ARFIP1: variants seen among roughly 807,000 people sequenced by gnomAD.
ARFIP1 encodes the protein ARF interacting protein 1.
A neutral mutation model predicts 42.5 loss-of-function variants in ARFIP1; 24 were observed. The ratio of observed to expected loss-of-function variants is 0.57; its 90% CI spans 0.41 to 0.80. The LOEUF (loss-of-function observed/expected upper bound fraction) is 0.80, where lower values mean the gene tolerates loss of function less well. Among genes scored for constraint, ARFIP1 ranks in the 30% least tolerant of loss-of-function variants. The probability of loss-of-function intolerance (pLI) is 0.00; values close to 1 mark genes in which losing one functional copy is unlikely to be tolerated. For missense variants in ARFIP1, 354 were observed against 434.0 expected, an observed-to-expected ratio of 0.82 and a Z score of 1.64; for synonymous variants, 141 against 153.7, an observed-to-expected ratio of 0.92 and a Z score of 0.61.
chr4:152,869,463 T>C (rs1406307585), intron 3 of ARFIP1, among the ~76,000 whole-genome samples: 3 of 151,856 alleles, frequency 2.0e-5, no homozygotes, highest in Admixed American at 6.6e-5. Context: ...TTTTTTTTTT[T>C]AATTGAGACA....
chr4:152,824,976 CATACACACACACACACATACAT>C (rs1043147544), intron 1 of ARFIP1, among the ~76,000 whole-genome samples: 31 of 151,264 alleles, frequency 2.0e-4, no homozygotes, highest in African/African-American at 7.1e-4. Context: ...ACCACACATA[CATACACACACACACACATACAT>C]ATACACACAC....
At chr4:152,907,800 T>C (rs2149916576) in intron 8 of ARFIP1, among the ~76,000 whole-genome samples, 1 of 152,324 alleles carries the variant, frequency 6.6e-6, no homozygotes. Context: ...AACTTTGTGG[T>C]GGTTTTCTTG....
chr4:152,850,505 C>G (rs1001935009), intron 2 of ARFIP1: 2 of 149,618 alleles, frequency 1.3e-5, no homozygotes, highest in African/African-American at 2.4e-5. Context: ...ACACAGGAAA[C>G]GGGGGGGTTG....
intron 1 of ARFIP1, among the ~76,000 whole-genome samples, chr4:152,798,866 G>A (rs903508436): frequency 6.6e-6 from 1 of 152,158 alleles, no homozygotes; most frequent in Admixed American, 6.5e-5. Context: ...AATAGAAACA[G>A]AAATAGCACA....
At chr4:152,784,118 A>C (rs1261274518) in intron 1 of ARFIP1, among the ~76,000 whole-genome samples, 2 of 152,190 alleles carry the variant, frequency 1.3e-5, no homozygotes, top group Non-Finnish European at 2.9e-5. Flanking sequence ...ATGGATGAAA[A>C]ACTAAAATAT....
chr4:152,808,858 TG>T (rs1176617310), intron 1 of ARFIP1, among the ~76,000 whole-genome samples: 1 of 152,050 alleles, frequency 6.6e-6, no homozygotes, highest in African/African-American at 2.4e-5. Flanking sequence ...CATCTGAGGA[TG>T]GGAGTTCAAG....
At chr4:152,873,734 A>G (rs1049013553) in intron 5 of ARFIP1, among the ~76,000 whole-genome samples, 3 of 152,072 alleles carry the variant, frequency 2.0e-5, no homozygotes, top group Admixed American at 6.6e-5. Context: ...CTCTCACATT[A>G]CTGTAACAGC....
intron 1 of ARFIP1, among the ~76,000 whole-genome samples, chr4:152,786,401 A>G (rs1452088401): frequency 6.6e-6 from 1 of 152,196 alleles, no homozygotes; most frequent in Non-Finnish European, 1.5e-5. Flanking sequence ...TGACACAATT[A>G]TCTTTTCATT....
intron 1 of ARFIP1, among the ~76,000 whole-genome samples, chr4:152,812,164 C>T (rs993956506): frequency 6.6e-6 from 1 of 152,118 alleles, no homozygotes; most frequent in African/African-American, 2.4e-5. Flanking sequence ...CTCCCCTTAC[C>T]CCCAGAATCT....
chr4:152,891,335 A>G (rs1037929879), intron 8 of ARFIP1, among the ~76,000 whole-genome samples: 3 of 152,254 alleles, frequency 2.0e-5, no homozygotes, highest in African/African-American at 4.8e-5. Context: ...AGTAAAATCT[A>G]TAAAGAAACT....
Position 152,848,895 on chromosome 4 carries a change from TACTC to T in ARFIP1, c.94-14708_94-14705del, listed in dbSNP as rs570766658. ...GGAATGCAATATAATGTTTCCACGT[TACTC>T]ACACATAAAAAATGTAGTAGCTCGG... On this transcript the variant is annotated intron_variant, in intron 2 of 8. Coordinates refer to ENST00000353617, the MANE Select transcript of ARFIP1 (RefSeq NM_001025595.3). Among the ~76,000 whole-genome samples the T allele has an allele frequency of 1.7e-3, 256 of 152,354 alleles. 2 individuals carry two copies. Among genetic ancestry groups the T allele is most frequent in the African/African-American group, 5.7e-3 (237 of 41,596 alleles).
At chr4:152,899,238 A>G (rs1238565858) in intron 8 of ARFIP1, among the ~76,000 whole-genome samples, 1 of 152,174 alleles carries the variant, frequency 6.6e-6, no homozygotes, top group East Asian at 1.9e-4. Flanking sequence ...TGAGATCAGG[A>G]ATGGGGTAAA....
At chr4:152,908,893 TG>T (rs1156886423) in intron 8 of ARFIP1, among the ~76,000 whole-genome samples, 3 of 20,292 alleles carry the variant, frequency 1.5e-4, no homozygotes, top group Non-Finnish European at 3.7e-4. Flanking sequence ...TAGAGAGAAG[TG>T]TGTGTGTGTG....
chr4:152,870,838 T>A lies in ARFIP1; in HGVS notation c.288T>A (p.Ile96=), dbSNP rs374915490. The change falls in exon 4 of 9, where the codon ATT becomes ATA. Residue 96 remains isoleucine, a synonymous_variant. Coordinates refer to ENST00000353617, the MANE Select transcript of ARFIP1 (RefSeq NM_001025595.3). The part of the protein sequence containing the change: ...SRLAQQGSDL[I]VPAGGQRTQT... ...TGGCTCAGCAAGGAAGTGATTTAAT[T>A]GTTCCTGCAGGTATTCACTGCACTG... The A allele has an allele frequency of 4.3e-5, 70 of 1,612,618 alleles. No homozygotes were observed. Among genetic ancestry groups the A allele is most frequent in the Non-Finnish European group, 4.8e-5 (57 of 1,178,776 alleles).
chr4:152,886,442 A>G (rs1197682772), intron 7 of ARFIP1, among the ~76,000 whole-genome samples: 1 of 151,960 alleles, frequency 6.6e-6, no homozygotes, highest in African/African-American at 2.4e-5. Flanking sequence ...GACATACCGA[A>G]TTCCCAAATG....
At position 152,824,361 on chromosome 4, in the gene ARFIP1, T is replaced by C. The variant is rs1023940813; in HGVS notation, c.-9-5264T>C. On this transcript the variant is annotated intron_variant, in intron 1 of 8. Coordinates refer to ENST00000353617, the MANE Select transcript of ARFIP1 (RefSeq NM_001025595.3). ...AATTCTCCATGATCGAGTGAATTTC[T>C]TTCCAGGGATTCAGAGATGGTTCAG... Among the ~76,000 whole-genome samples the C allele has an allele frequency of 7.9e-5, 12 of 151,922 alleles. 1 individual carries two copies. Among genetic ancestry groups the C allele is most frequent in the African/African-American group, 2.2e-4 (9 of 41,380 alleles).
At chr4:152,897,570 G>A (rs1473063924) in intron 8 of ARFIP1, among the ~76,000 whole-genome samples, 1 of 152,152 alleles carries the variant, frequency 6.6e-6, no homozygotes, top group Non-Finnish European at 1.5e-5. Flanking sequence ...TGTTGGAGGT[G>A]AGGGAATTGT....
intron 2 of ARFIP1, among the ~76,000 whole-genome samples, chr4:152,858,054 G>A (rs111360197): frequency 6.6e-4 from 100 of 152,324 alleles, no homozygotes; most frequent in African/African-American, 2.3e-3. Context: ...CACTTTGGGA[G>A]GCTGAGACGG....
intron 2 of ARFIP1, among the ~76,000 whole-genome samples, chr4:152,838,991 G>T (rs766173731): frequency 6.6e-6 from 1 of 152,162 alleles, no homozygotes; most frequent in Non-Finnish European, 1.5e-5. Context: ...TAATCATAAA[G>T]TGATGCTGGA....
Sources: allele counts gnomAD v4.1 joint callset (sites outside exome capture counted in the v4.1 genomes callset), GRCh38; gene constraint gnomAD v4.1.1; transcripts MANE v1.5; gene names NCBI Gene and HGNC (gene_info 2026-07-23, HGNC 2026-07-21).